FASLG: variants seen among roughly 807,000 people sequenced by gnomAD.
FASLG encodes tumor necrosis factor ligand superfamily member 6.
Under a neutral mutation model 24.6 loss-of-function variants are expected in FASLG, and 9 were observed. That is an observed-to-expected ratio of 0.37 (90% CI 0.22 to 0.64). The LOEUF is 0.64. FASLG is among the 30% of genes least tolerant of loss of function. FASLG has a pLI of 0.64. For synonymous variants in FASLG, 130 were observed against 135.5 expected, an observed-to-expected ratio of 0.96 and a Z score of 0.28; for missense variants, 306 against 345.3, an observed-to-expected ratio of 0.89 and a Z score of 0.90.
Position 172,659,139 on chromosome 1 carries a change from GC to G in FASLG, c.-61del. Reference sequence around the variant, plus strand: ...ACAGGGTCCCGTCCTTGACACCTCAGCCTCTACAGGACTGAGAAGAAGTAAA... The same window carrying G: ...ACAGGGTCCCGTCCTTGACACCTCAGCTCTACAGGACTGAGAAGAAGTAAA... On this transcript the variant is annotated 5_prime_UTR_variant, in exon 1 of 4. Coordinates refer to ENST00000367721, the MANE Select transcript of FASLG (RefSeq NM_000639.3). 3 of 1,610,302 alleles carry G rather than the reference GC, an allele frequency of 1.9e-6. No homozygotes were observed. Among genetic ancestry groups the G allele is most frequent in the South Asian group, 2.2e-5 (2 of 90,386 alleles).
At position 172,666,085 on chromosome 1, in the gene FASLG, A is replaced by G; in HGVS notation, c.*69A>G. 6.3e-7 allele frequency: 1 copy of G among 1,589,588 alleles called. No homozygotes were observed. Among genetic ancestry groups the G allele is most frequent in the Non-Finnish European group, 8.6e-7 (1 of 1,165,186 alleles). ...GGCACCGAGAATGTTGTATTCAGTGAGGGTCTTCTTACATGCATTTGAGGT... is the reference window on the plus strand; with the variant it reads ...GGCACCGAGAATGTTGTATTCAGTGGGGGTCTTCTTACATGCATTTGAGGT... On this transcript the variant is annotated 3_prime_UTR_variant, in exon 4 of 4. Transcript: ENST00000367721.
At chr1:172,663,734 G>A (rs1571332354) in intron 2 of FASLG, among the ~76,000 whole-genome samples, 1 of 152,114 alleles carries the variant, frequency 6.6e-6, no homozygotes, top group Non-Finnish European at 1.5e-5. Context: ...GTGATATGAG[G>A]TGATTGTCAG....
Position 172,659,548 on chromosome 1 carries a change from A to C in FASLG, c.347A>C (p.Glu116Ala). The change falls in exon 1 of 4, where the codon GAG becomes GCG. Residue 116 changes from glutamate to alanine, a missense_variant and splice_region_variant. Transcript: ENST00000367721. Reference sequence around the variant, plus strand: ...CAGAAGGAGCTGGCAGAACTCCGAGAGGTAAGCCTGCCGGCAGACTGCTGT... The same window carrying C: ...CAGAAGGAGCTGGCAGAACTCCGAGCGGTAAGCCTGCCGGCAGACTGCTGT... ...HLQKELAELRESTSQMHTASS... is the reference protein window; with the variant it reads ...HLQKELAELRASTSQMHTASS... The C allele has an allele frequency of 6.2e-7, 1 of 1,613,086 alleles. No homozygotes were observed. The highest frequency in any genetic ancestry group is 8.5e-7 in the Non-Finnish European group (1 of 1,179,850).
At position 172,659,351 on chromosome 1, in the gene FASLG, A is replaced by ACCGCCACCACTACCACCTCCGCCGCCG. The variant is rs745612881; in HGVS notation, c.162_188dup (p.Pro57_Pro65dup). On this transcript the variant is annotated inframe_insertion, in exon 1 of 4. Coordinates refer to ENST00000367721, the MANE Select transcript of FASLG (RefSeq NM_000639.3). ...AAAGGAGGCCACCACCACCACCGCC[A>ACCGCCACCACTACCACCTCCGCCGCCG]CCGCCACCACTACCACCTCCGCCGC... 1.9e-6 allele frequency: 3 copies of ACCGCCACCACTACCACCTCCGCCGCCG among 1,610,408 alleles called. No individual in the cohort carries two copies. The highest frequency in any genetic ancestry group is 2.5e-6 in the Non-Finnish European group (3 of 1,178,636).
intron 1 of FASLG, among the ~76,000 whole-genome samples, 169 bp from the exon 2 acceptor site, chr1:172,659,926 A>G (rs1206152123): frequency 6.6e-6 from 1 of 152,234 alleles, no homozygotes; most frequent in Non-Finnish European, 1.5e-5. Context: ...ATTCCAAATC[A>G]CAAAACTGAG....
chr1:172,665,969 G>C lies in FASLG; in HGVS notation c.799G>C (p.Val267Leu), dbSNP rs1455255180. Residue 267 changes from valine (V) to leucine (L), a missense_variant, in exon 4 of 4, where the codon GTC becomes CTC. By Grantham distance (32) the Val-to-Leu change is conservative. Transcript: ENST00000367721. The stretch of plus-strand genomic sequence containing the variant: ...TGTCAACGTATCTGAGCTCTCTCTG[G>C]TCAATTTTGAGGAATCTCAGACGTT... ...LYVNVSELSL[V>L]NFEESQTFFG... 8 of 1,613,876 alleles carry C rather than the reference G, an allele frequency of 5.0e-6. No individual in the cohort carries two copies. The highest frequency in any genetic ancestry group is 1.7e-5 in the Admixed American group (1 of 59,976).
rs10640513 is a variant in FASLG, at chr1:172,666,616, GGT to G, written c.*631_*632del. On this transcript the variant is annotated 3_prime_UTR_variant, in exon 4 of 4. Coordinates refer to ENST00000367721, the MANE Select transcript of FASLG (RefSeq NM_000639.3). ...TGTGTATTTCCAGTGCAATTGTAGG[GGT>G]GTGTGTGTGTGTGTGTGTGTGTGTG... 4,306 of 149,580 alleles carry G rather than the reference GGT, an allele frequency of 0.029. 140 individuals carry two copies. Among genetic ancestry groups the G allele is most frequent in the African/African-American group, 0.082 (3,293 of 40,284 alleles). 9.3% of individuals were successfully genotyped at this position (149,580 alleles called of 1,614,324 possible). A position where few individuals can be genotyped will look rare whatever the true frequency, so the allele number is the denominator to read the frequency against.
intron 2 of FASLG, among the ~76,000 whole-genome samples, chr1:172,661,279 C>T (rs1299052549): frequency 1.3e-5 from 2 of 152,208 alleles, no homozygotes; most frequent in Admixed American, 1.3e-4. Context: ...TTAAGTGAAG[C>T]AAGTTCCAGT....
chr1:172,665,583 A>T, intron 3 of FASLG, 39 bp from the exon 4 acceptor site: 1 of 1,604,838 alleles, frequency 6.2e-7, no homozygotes, highest in South Asian at 1.1e-5. Flanking sequence ...TGGATGCATG[A>T]CTATTCCTTG....
Position 172,664,362 on chromosome 1 carries a change from G to A in FASLG, c.423G>A (p.Lys141=), listed in dbSNP as rs749273476. The A allele has an allele frequency of 1.9e-6, 3 of 1,614,022 alleles. No individual in the cohort carries two copies. The highest frequency in any genetic ancestry group is 1.7e-5 in the Admixed American group (1 of 60,010). ...ACCCCAGTCCACCCCCTGAAAAAAA[G>A]GAGCTGAGGAAAGTGGCCCATTTAA... is the stretch of plus-strand genomic sequence containing the variant. ...IGHPSPPPEK[K]ELRKVAHLTG... is the part of the protein sequence containing the mutation. Residue 141 remains lysine, a synonymous_variant, in exon 3 of 4, where the codon AAG becomes AAA. Coordinates refer to ENST00000367721, the MANE Select transcript of FASLG (RefSeq NM_000639.3).
At chr1:172,665,598 A>G in intron 3 of FASLG, 24 bp from the exon 4 acceptor site, 1 of 1,608,784 alleles carries the variant, frequency 6.2e-7, no homozygotes, top group African/African-American at 1.3e-5. Context: ...TCCTTGTTGA[A>G]AGCTCCTTTT....
chr1:172,659,604 A>G, intron 1 of FASLG, 55 bp downstream of exon 1: 6 of 1,589,780 alleles, frequency 3.8e-6, no homozygotes, highest in South Asian at 1.1e-5. Context: ...AAGGGGATGG[A>G]GGGCCCACTG....
chr1:172,662,509 C>T (rs1659164566), intron 2 of FASLG, among the ~76,000 whole-genome samples: 8 of 152,148 alleles, frequency 5.3e-5, no homozygotes. Flanking sequence ...GCAAACAGAC[C>T]ATGCAATTCC....
chr1:172,661,664 T>C (rs1044902897), intron 2 of FASLG, among the ~76,000 whole-genome samples: 5 of 151,968 alleles, frequency 3.3e-5, no homozygotes, highest in African/African-American at 1.2e-4. Flanking sequence ...AAACCAGAAA[T>C]TGGTAAATCA....
In FASLG at chr1:172,666,173, C is replaced by T; in HGVS notation, c.*157C>T. 1 of 746,470 alleles carries T rather than the reference C, an allele frequency of 1.3e-6. No homozygotes were observed. The highest frequency in any genetic ancestry group is 1.8e-5 in the African/African-American group (1 of 56,806). The allele number at this position is 746,470 out of a possible 1,614,324, so 46.2% of individuals were successfully genotyped here. A position where few individuals can be genotyped will look rare whatever the true frequency, so the allele number is the denominator to read the frequency against. The stretch of plus-strand genomic sequence containing the variant: ...ACAGGGTTCAAAATGTCTGTAGCTC[C>T]TCAACTCACCTAATGTTTATGAGCC... On this transcript the variant is annotated 3_prime_UTR_variant, in exon 4 of 4. Transcript: ENST00000367721.
chr1:172,665,933 G>A lies in FASLG; in HGVS notation c.763G>A (p.Asp255Asn). 1 of 1,613,454 alleles carries A rather than the reference G, an allele frequency of 6.2e-7. No individual in the cohort carries two copies. Among genetic ancestry groups the A allele is most frequent in the Non-Finnish European group, 8.5e-7 (1 of 1,179,540 alleles). Reference sequence around the variant, plus strand: ...GGCAGTGTTCAATCTTACCAGTGCTGATCATTTATATGTCAACGTATCTGA... The same window carrying A: ...GGCAGTGTTCAATCTTACCAGTGCTAATCATTTATATGTCAACGTATCTGA... ...LGAVFNLTSADHLYVNVSELS... is the reference protein window; with the variant it reads ...LGAVFNLTSANHLYVNVSELS... The change falls in exon 4 of 4, where the codon GAT (aspartate) becomes AAT (asparagine). Residue 255 changes from aspartate (D) to asparagine (N), a missense_variant. Transcript: ENST00000367721.
rs779382158 is a variant in FASLG at position 172,659,338 on chromosome 1, C to T, written c.137C>T (p.Pro46Leu). The T allele has an allele frequency of 6.8e-5, 110 of 1,612,706 alleles. No homozygotes were observed. In the South Asian group the frequency reaches 8.9e-4, roughly 13 times the overall value. The change falls in exon 1 of 4, where the codon CCA (proline) becomes CTA (leucine). Residue 46 changes from proline to leucine, a missense_variant. By Grantham distance (98) the Pro-to-Leu change is moderately conservative (BLOSUM62 -3). Coordinates refer to ENST00000367721, the MANE Select transcript of FASLG (RefSeq NM_000639.3). ...VPRRPGQRRP[P>L]PPPPPPPLPP... The stretch of plus-strand genomic sequence containing the variant: ...AGAAGGCCTGGTCAAAGGAGGCCAC[C>T]ACCACCACCGCCACCGCCACCACTA...
intron 2 of FASLG, among the ~76,000 whole-genome samples, chr1:172,662,858 C>G (rs1406956125): frequency 6.6e-6 from 1 of 152,112 alleles, no homozygotes; most frequent in Non-Finnish European, 1.5e-5. Context: ...CCGTTTCCTG[C>G]CGGTGCGTGG....
At chr1:172,659,639 T>TA in intron 1 of FASLG, 90 bp downstream of exon 1, 1 of 1,476,954 alleles carries the variant, frequency 6.8e-7, no homozygotes, top group South Asian at 1.4e-5. Flanking sequence ...TGCTTTTCAA[T>TA]CCTTTTTTTT....
Sources: allele counts gnomAD v4.1 joint callset (sites outside exome capture counted in the v4.1 genomes callset), GRCh38; gene constraint gnomAD v4.1.1; transcripts MANE v1.5; gene names NCBI Gene and HGNC (gene_info 2026-07-23, HGNC 2026-07-21).